Variants in PPP2R2B observed in about 807,000 individuals in gnomAD.
PPP2R2B encodes the protein protein phosphatase 2 regulatory subunit Bbeta.
A neutral mutation model predicts 46.0 loss-of-function variants in PPP2R2B; 5 were observed. The observed-to-expected ratio is 0.11, with a 90% CI of 0.06 to 0.23. The LOEUF (loss-of-function observed/expected upper bound fraction) is 0.23. PPP2R2B is among the 10% of genes least tolerant of loss of function. The probability of loss-of-function intolerance (pLI) is 1.00; values close to 1 mark genes in which losing one functional copy is unlikely to be tolerated. For synonymous variants in PPP2R2B, 215 were observed against 206.7 expected (o/e 1.04, Z -0.34); for missense variants, 367 against 575.0 (o/e 0.64, Z 3.70).
rs747225370 is a variant in PPP2R2B, at chr5:146,590,132, T to G, written c.1147A>C (p.Lys383Gln). 1.2e-6 allele frequency: 2 copies of G among 1,613,536 alleles called. No individual in the cohort carries two copies. Among genetic ancestry groups the G allele is most frequent in the Admixed American group, 3.3e-5 (2 of 59,982 alleles). Residue 383 changes from lysine (K) to glutamine (Q), a missense_variant, in exon 10 of 10, where the codon AAG becomes CAG. Around this residue, in one of 2 missense-constraint regions of PPP2R2B, gnomAD observed 361 missense variants for 545.5 expected, o/e 0.66. Coordinates refer to ENST00000394411, the MANE Select transcript of PPP2R2B (RefSeq NM_181675.4). ...CGGGGTTTGAGGATAGCCCGGGGCT[T>G]GCTGTTTTCCCTCGAAGCCTCAAGG... ...VTLEASRENSKPRAILKPRKV... is the reference protein window; with the variant it reads ...VTLEASRENSQPRAILKPRKV...
chr5:146,684,868 C>A (rs182714342), intron 5 of PPP2R2B, among the ~76,000 whole-genome samples: 8 of 152,142 alleles, frequency 5.3e-5, no homozygotes, highest in Non-Finnish European at 4.4e-5. Context: ...CCAACTCAAA[C>A]CTTCTAAACC....
At chr5:146,879,755 G>A (rs1762102448), upstream of PPP2R2B, among the ~76,000 whole-genome samples, 1 of 152,102 alleles carries the variant, frequency 6.6e-6, no homozygotes, top group Non-Finnish European at 1.5e-5. Context: ...ATTTAATGAA[G>A]CAACCCAAAT....
intron 2 of PPP2R2B, among the ~76,000 whole-genome samples, chr5:146,781,131 GATATATATATATATATATATATATATAT>G (rs56697862): frequency 3.4e-4 from 17 of 49,474 alleles, no homozygotes; most frequent in African/African-American, 4.2e-4. Flanking sequence ...ATGCCACCAT[GATATATATATATATATATATATATATAT>G]ATATATATAT....
intron 2 of PPP2R2B, among the ~76,000 whole-genome samples, chr5:146,821,442 T>C (rs150732278): frequency 6.6e-6 from 1 of 152,192 alleles, no homozygotes; most frequent in Non-Finnish European, 1.5e-5. Flanking sequence ...AGCATGGCTC[T>C]CCCTTCTCTG....
In PPP2R2B at chr5:146,582,203, T is replaced by C. The variant is rs1391466505; in HGVS notation, c.*7744A>G. ...CCCTAAGAACATCTAGGGGAAGGTT[T>C]GTCTCACCTCTTGTTTCCAAGTGGG... is the stretch of plus-strand genomic sequence containing the variant. On this transcript the variant is annotated 3_prime_UTR_variant, in exon 10 of 10. Coordinates refer to ENST00000394411, the MANE Select transcript of PPP2R2B (RefSeq NM_181675.4). 6.6e-6 allele frequency: 1 copy of C among 152,208 alleles called. No individual in the cohort carries two copies. The highest frequency in any genetic ancestry group is 2.4e-5 in the African/African-American group (1 of 41,450). 9.4% of individuals were successfully genotyped at this position (152,208 alleles called of 1,614,324 possible). A position where few individuals can be genotyped will look rare whatever the true frequency, so the allele number is the denominator to read the frequency against.
intron 1 of PPP2R2B, among the ~76,000 whole-genome samples, chr5:147,028,833 C>A (rs1016387189): frequency 2.6e-5 from 4 of 152,178 alleles, no homozygotes; most frequent in African/African-American, 9.7e-5. Flanking sequence ...TCCTTAACAA[C>A]CATTGATATT....
intron 5 of PPP2R2B, among the ~76,000 whole-genome samples, chr5:146,683,185 C>T (rs148620174): frequency 6.6e-5 from 10 of 152,238 alleles, no homozygotes; most frequent in East Asian, 1.9e-4. Flanking sequence ...CTTCCTACCC[C>T]GCCTTTTCCC....
intron 2 of PPP2R2B, among the ~76,000 whole-genome samples, chr5:146,847,007 T>C (rs936910472): frequency 9.8e-5 from 15 of 152,356 alleles, no homozygotes; most frequent in Admixed American, 8.5e-4. Context: ...CATCAGACTA[T>C]GGGTGGGAAA....
chr5:146,902,607 C>T (rs1238017839), intron 1 of PPP2R2B, among the ~76,000 whole-genome samples: 2 of 152,164 alleles, frequency 1.3e-5, no homozygotes, highest in African/African-American at 2.4e-5. Context: ...TAACTGGTTG[C>T]CTTTTCTCTG....
rs553326755 is a variant in PPP2R2B, at chr5:146,931,946, A to T, written c.79+123719T>A. ...GTGGATGCATGCACATGTGTGAGTG[A>T]ATGGATTCCCCCAACCTCCAGCAGC... is the stretch of plus-strand genomic sequence containing the variant. On this transcript the variant is annotated intron_variant, in intron 1 of 8. Coordinates refer to the PPP2R2B transcript ENST00000336640. 3.3e-5 allele frequency among the ~76,000 whole-genome samples: 5 copies of T among 152,292 alleles called. No homozygotes were observed. The East Asian group carries it at 9.7e-4, about 29-fold the overall frequency.
intron 1 of PPP2R2B, among the ~76,000 whole-genome samples, chr5:147,051,135 C>G (rs1756793600): frequency 6.6e-6 from 1 of 152,088 alleles, no homozygotes; most frequent in African/African-American, 2.4e-5. Context: ...TCAATGTAAT[C>G]CAAAGGCTGT....
At chr5:146,926,039 C>T (rs1360488616) in intron 1 of PPP2R2B, among the ~76,000 whole-genome samples, 1 of 151,784 alleles carries the variant, frequency 6.6e-6, no homozygotes, top group African/African-American at 2.4e-5. Flanking sequence ...CTCTTGTTAC[C>T]CCACTTTTCT....
intron 2 of PPP2R2B, among the ~76,000 whole-genome samples, chr5:146,760,229 C>T (rs1456507888): frequency 1.3e-5 from 2 of 152,204 alleles, no homozygotes; most frequent in East Asian, 1.9e-4. Flanking sequence ...TATGTACCCT[C>T]TTAATATTCC....
At chr5:146,731,608 A>G (rs1752234465) in intron 2 of PPP2R2B, among the ~76,000 whole-genome samples, 1 of 152,132 alleles carries the variant, frequency 6.6e-6, no homozygotes, top group South Asian at 2.1e-4. Flanking sequence ...TCTGCCATCT[A>G]TTAGCTGCAA....
chr5:146,670,525 TTGCTC>T (rs1187920662), intron 5 of PPP2R2B, among the ~76,000 whole-genome samples: 1 of 148,758 alleles, frequency 6.7e-6, no homozygotes, highest in Non-Finnish European at 1.5e-5. Flanking sequence ...AGACAGAATC[TTGCTC>T]TGTGACCCAG....
intron 2 of PPP2R2B, among the ~76,000 whole-genome samples, chr5:146,873,658 C>T (rs779680014): frequency 6.6e-6 from 1 of 152,160 alleles, no homozygotes; most frequent in Non-Finnish European, 1.5e-5. Flanking sequence ...TGTCACCAGA[C>T]TGGAGTGCGG....
At chr5:147,035,799 G>GAAAAAA (rs55681529) in intron 1 of PPP2R2B, among the ~76,000 whole-genome samples, 1 of 150,522 alleles carries the variant, frequency 6.6e-6, no homozygotes. Flanking sequence ...AAACTGAAGG[G>GAAAAAA]AAAAAAAAAC....
In PPP2R2B at chr5:146,586,038, G is replaced by T; in HGVS notation, c.*3909C>A. ...TGACTTAGAAGTTCAGGGGGAAGAG[G>T]TGGATGAAGGCATGTTGGATGCACA... On this transcript the variant is annotated 3_prime_UTR_variant, in exon 10 of 10. Transcript: ENST00000394411. 1 of 152,332 alleles carries T rather than the reference G, an allele frequency of 6.6e-6. No individual in the cohort carries two copies. 9.4% of individuals were successfully genotyped at this position (152,332 alleles called of 1,614,324 possible).
intron 1 of PPP2R2B, among the ~76,000 whole-genome samples, chr5:146,995,043 G>A (rs1467631386): frequency 6.6e-6 from 1 of 152,150 alleles, no homozygotes; most frequent in Non-Finnish European, 1.5e-5. Context: ...AGTGATTTAA[G>A]TCACCACTGT....
Sources: allele counts gnomAD v4.1 joint callset (sites outside exome capture counted in the v4.1 genomes callset), GRCh38; gene constraint gnomAD v4.1.1; regional missense constraint gnomAD v4.1.1; transcripts MANE v1.5; gene names NCBI Gene and HGNC (gene_info 2026-07-23, HGNC 2026-07-21).